The following COL13A1 variants were observed in gnomAD, a reference collection of about 807,000 sequenced individuals.
COL13A1 encodes the protein collagen type XIII alpha 1 chain.
A neutral mutation model predicts 130.9 loss-of-function variants in COL13A1; 89 were observed. That is an observed-to-expected ratio of 0.68 (90% CI 0.57 to 0.81). The LOEUF (loss-of-function observed/expected upper bound fraction) is 0.81. Ranked by LOEUF, COL13A1 falls within the 30% of genes least tolerant of loss-of-function variation. The pLI, the probability that COL13A1 is intolerant of heterozygous loss-of-function variation, is 0.00. For missense variants in COL13A1, 879 were observed against 934.6 expected (o/e 0.94, Z 0.78); for synonymous variants, 402 against 341.6 (o/e 1.18, Z -1.95).
chr10:69,882,210 C>T (rs2060211956), intron 7 of COL13A1, among the ~76,000 whole-genome samples: 1 of 152,186 alleles, frequency 6.6e-6, no homozygotes, highest in African/African-American at 2.4e-5. Flanking sequence ...GCATACAGGC[C>T]CTACCCTATG....
At chr10:69,854,315 C>T (rs1855793676) in intron 2 of COL13A1, among the ~76,000 whole-genome samples, 1 of 152,198 alleles carries the variant, frequency 6.6e-6, no homozygotes, top group Admixed American at 6.5e-5. Flanking sequence ...CTTGTAATCC[C>T]AGCACTCTGG....
intron 2 of COL13A1, among the ~76,000 whole-genome samples, chr10:69,833,681 T>C (rs1849338758): frequency 6.6e-6 from 1 of 152,176 alleles, no homozygotes; most frequent in African/African-American, 2.4e-5. Context: ...AATGAGAATG[T>C]GCATGAGGAC....
At chr10:69,864,512 T>G (rs1324783694) in intron 2 of COL13A1, among the ~76,000 whole-genome samples, 1 of 152,194 alleles carries the variant, frequency 6.6e-6, no homozygotes, top group East Asian at 1.9e-4. Context: ...GCCTGGTAGA[T>G]AATAAATGCT....
chr10:69,865,236 C>G (rs2058408997), intron 2 of COL13A1, among the ~76,000 whole-genome samples: 1 of 152,228 alleles, frequency 6.6e-6, no homozygotes, highest in South Asian at 2.1e-4. Context: ...CTTGGAGTGA[C>G]TCCATCCTTT....
At chr10:69,809,905 C>G (rs999332139) in intron 1 of COL13A1, among the ~76,000 whole-genome samples, 21 of 152,176 alleles carry the variant, frequency 1.4e-4, no homozygotes, top group African/African-American at 4.8e-4. Context: ...CTCTCGGACT[C>G]TGAACTGGCC....
At chr10:69,838,772 A>C (rs7913904) in intron 2 of COL13A1, among the ~76,000 whole-genome samples, 26,006 of 152,210 alleles carry the variant, frequency 0.17, 2,416 homozygotes, top group African/African-American at 0.23. Flanking sequence ...CCTTTGTACA[A>C]AGGGTTCAGA....
chr10:69,894,672 T>C lies in COL13A1; in HGVS notation c.631-3T>C. 1 of 1,613,994 alleles carries C rather than the reference T, an allele frequency of 6.2e-7. No homozygotes were observed. Among genetic ancestry groups the C allele is most frequent in the Non-Finnish European group, 8.5e-7 (1 of 1,179,898 alleles). ...TAACTCTCTCATCTCCGTCTCTTTG[T>C]AGGGACCCCAGGGACAAAAAGGAGA... On this transcript the variant is annotated splice_polypyrimidine_tract_variant and splice_region_variant and intron_variant, in intron 11 of 40. Coordinates refer to ENST00000645393, the MANE Select transcript of COL13A1 (RefSeq NM_001368882.1).
chr10:69,888,699 C>T (rs12780907), intron 9 of COL13A1, among the ~76,000 whole-genome samples: 21,748 of 152,066 alleles, frequency 0.14, 1,778 homozygotes, highest in Middle Eastern at 0.24. Context: ...CCCTGCTCCC[C>T]AGCACCTGTG....
chr10:69,884,680 G>A (rs1414794940), intron 7 of COL13A1, among the ~76,000 whole-genome samples: 2 of 152,226 alleles, frequency 1.3e-5, no homozygotes, highest in Non-Finnish European at 2.9e-5. Context: ...TCAGAAGGAT[G>A]TAATATTAAT....
intron 6 of COL13A1, among the ~76,000 whole-genome samples, 171 bp downstream of exon 6, chr10:69,878,236 T>A (rs2059800321): frequency 6.6e-6 from 1 of 152,200 alleles, no homozygotes; most frequent in Admixed American, 6.5e-5. Flanking sequence ...TTCCATAACA[T>A]CGGGCAGCAG....
At chr10:69,815,275 G>A (rs1344455845) in intron 1 of COL13A1, among the ~76,000 whole-genome samples, 1 of 152,238 alleles carries the variant, frequency 6.6e-6, no homozygotes, top group African/African-American at 2.4e-5. Flanking sequence ...CACAGGGAGG[G>A]AGTGTTCCCT....
At chr10:69,903,798 A>G (rs778299244) in intron 15 of COL13A1, among the ~76,000 whole-genome samples, 11 of 152,356 alleles carry the variant, frequency 7.2e-5, no homozygotes, top group Non-Finnish European at 1.2e-4. Context: ...TTGCTGGAAT[A>G]GAGTCCCAGA....
intron 1 of COL13A1, among the ~76,000 whole-genome samples, chr10:69,807,924 C>T: frequency 6.6e-6 from 1 of 152,222 alleles, no homozygotes; most frequent in Non-Finnish European, 1.5e-5. Flanking sequence ...TAATCAATTG[C>T]TGCACACTTT....
Position 69,802,735 on chromosome 10 carries a change from C to G in COL13A1, c.294+18C>G. ...TGGACGAGGTCTGTGCTCTTTGTTG[C>G]TGGCTTTTATCCCTCCCCGCGGCGC... On this transcript the variant is annotated intron_variant, in intron 1 of 40. Coordinates refer to ENST00000645393, the MANE Select transcript of COL13A1 (RefSeq NM_001368882.1). The G allele has an allele frequency of 6.2e-7, 1 of 1,608,598 alleles. No homozygotes were observed. The highest frequency in any genetic ancestry group is 8.5e-7 in the Non-Finnish European group (1 of 1,177,854).
In COL13A1 at chr10:69,954,563, G is replaced by A. The variant is rs976075953; in HGVS notation, c.2145+1595G>A. ...ATCACATGATTTGGGGGACAGAAGGGCATGATTACAGAGTAGACTGAGAAG... is the reference window on the plus strand; with the variant it reads ...ATCACATGATTTGGGGGACAGAAGGACATGATTACAGAGTAGACTGAGAAG... On this transcript the variant is annotated intron_variant, in intron 39 of 40. Transcript: ENST00000645393. Among the ~76,000 whole-genome samples, 33 of 152,338 alleles carry A rather than the reference G, an allele frequency of 2.2e-4. No individual in the cohort carries two copies. The Middle Eastern group carries it at 0.01, about 47-fold the overall frequency.
In COL13A1 at chr10:69,958,206, G is replaced by A. The variant is rs560262929; in HGVS notation, c.2185-493G>A. Among the ~76,000 whole-genome samples the A allele has an allele frequency of 3.7e-4, 57 of 152,288 alleles. 1 individual carries two copies. In the South Asian group the frequency reaches 7.1e-3, roughly 19 times the overall value. On this transcript the variant is annotated intron_variant, in intron 40 of 40. Coordinates refer to ENST00000645393, the MANE Select transcript of COL13A1 (RefSeq NM_001368882.1). ...AGCTCCACTTAGACCTAGTTAAAGC[G>A]CCACAAAAGCAGGTCAGAGGTGTCA... is the stretch of plus-strand genomic sequence containing the variant.
intron 9 of COL13A1, 87 bp from the exon 10 acceptor site, chr10:69,889,308 GGGGGGCAGGGAGGAGCACA>G (rs60703185): frequency 0.24 from 348,094 of 1,432,520 alleles, 43,833 homozygotes; most frequent in East Asian, 0.5. Flanking sequence ...GGAGGAGCAC[GGGGGGCAGGGAGGAGCACA>G]GGGGGCAGGG....
At chr10:69,881,406 G>A (rs562793811) in intron 7 of COL13A1, among the ~76,000 whole-genome samples, 19 of 152,294 alleles carry the variant, frequency 1.2e-4, no homozygotes, top group South Asian at 6.2e-4. Flanking sequence ...CTGACCCGCC[G>A]TGCTCAGTGA....
At chr10:69,897,452 A>G (rs764930471) in intron 13 of COL13A1, 3 of 1,613,240 alleles carry the variant, frequency 1.9e-6, no homozygotes, top group Non-Finnish European at 2.5e-6. Flanking sequence ...TGTCTCTGCC[A>G]CCTCCATCCC....
Sources: gnomAD v4.1 joint callset for allele counts (sites outside exome capture counted in the v4.1 genomes callset) on GRCh38, gnomAD v4.1.1 for gene constraint, MANE v1.5 for transcripts, NCBI Gene and HGNC (gene_info 2026-07-23, HGNC 2026-07-21) for gene names.